CAMTA1: variants seen among roughly 807,000 people sequenced by gnomAD.
CAMTA1 encodes calmodulin binding transcription activator 1, also known as calmodulin-binding transcription activator 1.
Under a neutral mutation model 170.9 loss-of-function variants are expected in CAMTA1, and 27 were observed. The ratio of observed to expected loss-of-function variants is 0.16; its 90% CI spans 0.12 to 0.22. The LOEUF (loss-of-function observed/expected upper bound fraction) is 0.22. Among genes scored for constraint, CAMTA1 ranks in the 10% least tolerant of loss-of-function variants. The pLI is 1.00. For synonymous variants in CAMTA1, 833 were observed against 891.5 expected (o/e 0.93, Z 1.17); for missense variants, 1,619 against 2,217.2 (o/e 0.73, Z 5.42).
At chr1:7,528,899 G>A (rs182044760) in intron 6 of CAMTA1, among the ~76,000 whole-genome samples, 207 of 152,286 alleles carry the variant, frequency 1.4e-3, no homozygotes, top group African/African-American at 4.7e-3. Flanking sequence ...CAATGTCTGT[G>A]AGAATGTGTT....
intron 3 of CAMTA1, among the ~76,000 whole-genome samples, chr1:6,863,426 G>C (rs1665481831): frequency 6.6e-6 from 1 of 152,114 alleles, no homozygotes; most frequent in Non-Finnish European, 1.5e-5. Context: ...TGGCTCCTAG[G>C]TTTGTTTCAT....
chr1:7,741,944 GTTT>G (rs34289951), intron 16 of CAMTA1, among the ~76,000 whole-genome samples: 9 of 137,196 alleles, frequency 6.6e-5, no homozygotes, highest in Non-Finnish European at 9.3e-5. Flanking sequence ...GCCTCGGGTT[GTTT>G]TTTTTTTTTT....
intron 3 of CAMTA1, among the ~76,000 whole-genome samples, chr1:6,975,085 T>C (rs1693175053): frequency 6.6e-6 from 1 of 152,146 alleles, no homozygotes; most frequent in Non-Finnish European, 1.5e-5. Flanking sequence ...CTCTGTTTTC[T>C]GGGGGAGGAT....
chr1:6,921,521 G>A (rs1297550493), intron 3 of CAMTA1, among the ~76,000 whole-genome samples: 1 of 152,128 alleles, frequency 6.6e-6, no homozygotes, highest in Non-Finnish European at 1.5e-5. Flanking sequence ...ACATTTTTGG[G>A]TATCTTTTCA....
At chr1:7,563,444 A>G (rs72643927) in intron 6 of CAMTA1, among the ~76,000 whole-genome samples, 11,160 of 152,162 alleles carry the variant, frequency 0.073, 499 homozygotes, top group African/African-American at 0.12. Context: ...ACCTGCTAGC[A>G]GCTCCCGTGC....
intron 5 of CAMTA1, among the ~76,000 whole-genome samples, chr1:7,335,158 T>TG (rs1557537637): frequency 3.1e-4 from 9 of 29,412 alleles, no homozygotes; most frequent in Non-Finnish European, 3.3e-4. Flanking sequence ...GGGGGGGGGG[T>TG]GGGGGTGGGG....
At chr1:6,909,035 A>G (rs1325864782) in intron 3 of CAMTA1, among the ~76,000 whole-genome samples, 1 of 152,280 alleles carries the variant, frequency 6.6e-6, no homozygotes, top group Non-Finnish European at 1.5e-5. Context: ...GCATCATTTT[A>G]TATCATAATC....
chr1:6,956,851 G>A (rs1689542462), intron 3 of CAMTA1, among the ~76,000 whole-genome samples: 1 of 152,236 alleles, frequency 6.6e-6, no homozygotes, highest in African/African-American at 2.4e-5. Flanking sequence ...GCCTTGAGGT[G>A]TGGCTTTGTT....
At chr1:7,259,765 T>C (rs1207509569) in intron 5 of CAMTA1, among the ~76,000 whole-genome samples, 1 of 152,208 alleles carries the variant, frequency 6.6e-6, no homozygotes, top group Non-Finnish European at 1.5e-5. Context: ...CAATGAGCGA[T>C]AGAGAATAGC....
intron 3 of CAMTA1, among the ~76,000 whole-genome samples, chr1:7,079,575 G>A (rs1270231488): frequency 6.6e-6 from 1 of 151,348 alleles, no homozygotes; most frequent in Non-Finnish European, 1.5e-5. Flanking sequence ...AGGTTCAAGC[G>A]ATTCTTGTGC....
chr1:7,655,929 T>C (rs1401457399), intron 7 of CAMTA1, among the ~76,000 whole-genome samples: 1 of 152,226 alleles, frequency 6.6e-6, no homozygotes, highest in Non-Finnish European at 1.5e-5. Context: ...GAAACTCATG[T>C]TGAAATTGAA....
chr1:7,287,292 A>G (rs1672483049), intron 5 of CAMTA1, among the ~76,000 whole-genome samples: 1 of 152,130 alleles, frequency 6.6e-6, no homozygotes, highest in Non-Finnish European at 1.5e-5. Flanking sequence ...TTCAGGGAGA[A>G]TATGGCCATC....
chr1:7,620,457 G>A (rs1441759220), intron 6 of CAMTA1, among the ~76,000 whole-genome samples: 11 of 152,184 alleles, frequency 7.2e-5, no homozygotes, highest in Non-Finnish European at 1.0e-4. Context: ...AATGAGATGT[G>A]ACTGGAAGCT....
intron 4 of CAMTA1, among the ~76,000 whole-genome samples, chr1:7,200,809 A>T (rs901460622): frequency 3.3e-5 from 5 of 152,182 alleles, no homozygotes; most frequent in Non-Finnish European, 5.9e-5. Context: ...TTTTCTAATT[A>T]ATAAGTATCT....
intron 3 of CAMTA1, among the ~76,000 whole-genome samples, chr1:6,996,682 T>A (rs12130688): frequency 2.6e-4 from 38 of 147,146 alleles, no homozygotes; most frequent in East Asian, 1.8e-3. Flanking sequence ...AAAAGCTATT[T>A]AAAAAAAAAA....
chr1:7,576,759 A>G (rs2095198924), intron 6 of CAMTA1, among the ~76,000 whole-genome samples: 1 of 152,202 alleles, frequency 6.6e-6, no homozygotes, highest in South Asian at 2.1e-4. Context: ...TGAGGGGAGC[A>G]GTACTAGGGA....
intron 4 of CAMTA1, among the ~76,000 whole-genome samples, chr1:7,131,970 G>A (rs1048877538): frequency 3.3e-5 from 5 of 151,912 alleles, no homozygotes; most frequent in Non-Finnish European, 5.9e-5. Flanking sequence ...CAGGAGAATC[G>A]CCTGAACCTG....
chr1:7,072,620 A>T (rs548703047), intron 3 of CAMTA1, among the ~76,000 whole-genome samples: 1 of 152,212 alleles, frequency 6.6e-6, no homozygotes, highest in African/African-American at 2.4e-5. Flanking sequence ...ACTGTGGAGA[A>T]AAAAGAAAGT....
chr1:7,535,295 GA>G (rs1167823850), intron 6 of CAMTA1, among the ~76,000 whole-genome samples: 1 of 151,408 alleles, frequency 6.6e-6, no homozygotes, highest in Non-Finnish European at 1.5e-5. Context: ...TGAGGGCTGG[GA>G]GCTCTTCCTT....
Sources: allele counts gnomAD v4.1 joint callset (sites outside exome capture counted in the v4.1 genomes callset), GRCh38; gene constraint gnomAD v4.1.1; transcripts MANE v1.5; gene names NCBI Gene and HGNC (gene_info 2026-07-23, HGNC 2026-07-21).